The following GPC6 variants were observed in gnomAD, a reference collection of about 807,000 sequenced individuals.
The protein encoded by GPC6 is glypican 6, also known as glypican-6.
A neutral mutation model predicts 55.2 loss-of-function variants in GPC6; 14 were observed. The observed-to-expected ratio is 0.25, with a 90% confidence interval of 0.17 to 0.40. The LOEUF (loss-of-function observed/expected upper bound fraction) is 0.40, where lower values mean the gene tolerates loss of function less well. Among genes scored for constraint, GPC6 ranks in the 10% least tolerant of loss-of-function variants. The pLI, the probability that GPC6 is intolerant of heterozygous loss-of-function variation, is 1.00. For missense variants in GPC6, 641 were observed against 708.5 expected, an observed-to-expected ratio of 0.90 and a Z score of 1.08; for synonymous variants, 278 against 259.6, an observed-to-expected ratio of 1.07 and a Z score of -0.68.
Position 93,351,807 on chromosome 13 carries a change from C to T in GPC6, c.160+124191C>T, listed in dbSNP as rs957487987. The stretch of plus-strand genomic sequence containing the variant: ...CTCTAATTGGAACCACCGTTGATTA[C>T]GTTAGCTGCTGCATTTGTCTTCACT... On this transcript the variant is annotated intron_variant, in intron 1 of 8. Transcript: ENST00000377047. 2.6e-5 allele frequency among the ~76,000 whole-genome samples: 4 copies of T among 152,086 alleles called. No individual in the cohort carries two copies. In the East Asian group the frequency reaches 7.7e-4, roughly 29 times the overall value.
At chr13:94,034,256 A>AAGGAAGGAAGGAGG (rs1883256984) in intron 4 of GPC6, among the ~76,000 whole-genome samples, 1 of 85,482 alleles carries the variant, frequency 1.2e-5, no homozygotes, top group African/African-American at 3.1e-5. Flanking sequence ...AAGGAAAGAA[A>AAGGAAGGAAGGAGG]GAAAGAAAAG....
At position 94,403,759 on chromosome 13, in the gene GPC6, A is replaced by AATCT. The variant is rs1473100694; in HGVS notation, c.*543_*544insTCTA. On this transcript the variant is annotated 3_prime_UTR_variant, in exon 9 of 9. Transcript: ENST00000377047. ...AAAATGCTTATGGGGAGAAAGCTTA[A>AATCT]AGTTTGTTCTAAATGTAGTGAAAAT... is the stretch of plus-strand genomic sequence containing the variant. The AATCT allele has an allele frequency of 5.3e-6, 1 of 187,682 alleles. No homozygotes were observed. The highest frequency in any genetic ancestry group is 1.1e-5 in the Non-Finnish European group (1 of 89,332). 11.6% of individuals were successfully genotyped at this position (187,682 alleles called of 1,614,324 possible).
chr13:94,159,709 C>T (rs183057154), intron 4 of GPC6, among the ~76,000 whole-genome samples: 4 of 152,192 alleles, frequency 2.6e-5, no homozygotes, highest in East Asian at 3.9e-4. Context: ...GAAGCGTATG[C>T]GAGAATTACC....
chr13:94,104,825 A>T (rs1489652946), intron 4 of GPC6, among the ~76,000 whole-genome samples: 3 of 152,184 alleles, frequency 2.0e-5, no homozygotes, highest in Non-Finnish European at 2.9e-5. Flanking sequence ...GAGGACACAA[A>T]CAAATGGAAG....
At chr13:93,264,094 T>C (rs1877243853) in intron 1 of GPC6, among the ~76,000 whole-genome samples, 1 of 152,134 alleles carries the variant, frequency 6.6e-6, no homozygotes, top group Admixed American at 6.5e-5. Flanking sequence ...TTGGTAGTTT[T>C]TCAAGGGTCT....
Position 94,215,685 on chromosome 13 carries a change from TA to T in GPC6, c.878-70663del, listed in dbSNP as rs556790126. On this transcript the variant is annotated intron_variant, in intron 4 of 8. Coordinates refer to ENST00000377047, the MANE Select transcript of GPC6 (RefSeq NM_005708.5). Reference sequence around the variant, plus strand: ...GTTACAAAACTAACCACCAATTTATTACATTTCATTACATTGAAGGGAAAAA... The same window carrying T: ...GTTACAAAACTAACCACCAATTTATTCATTTCATTACATTGAAGGGAAAAA... 8.5e-5 allele frequency among the ~76,000 whole-genome samples: 13 copies of T among 152,264 alleles called. No homozygotes were observed. The East Asian group carries it at 2.5e-3, about 29-fold the overall frequency.
chr13:93,584,684 GTTTTTTTTTTT>G (rs779571682), intron 2 of GPC6, among the ~76,000 whole-genome samples: 6 of 95,570 alleles, frequency 6.3e-5, no homozygotes, highest in East Asian at 6.9e-4. Context: ...CCTTCTGAAA[GTTTTTTTTTTT>G]TTTTTTTTTT....
intron 4 of GPC6, among the ~76,000 whole-genome samples, chr13:94,113,526 T>G (rs1330733086): frequency 6.6e-6 from 1 of 150,522 alleles, no homozygotes; most frequent in Non-Finnish European, 1.5e-5. Context: ...TTGTGAAGTT[T>G]CCATGTTTTC....
chr13:93,449,689 G>A (rs1447776565), intron 1 of GPC6, among the ~76,000 whole-genome samples: 1 of 151,898 alleles, frequency 6.6e-6, no homozygotes, highest in Non-Finnish European at 1.5e-5. Context: ...TTAGCCAGGC[G>A]TGGTGGTGGG....
chr13:93,772,604 G>A (rs1376259098), intron 2 of GPC6, among the ~76,000 whole-genome samples: 1 of 152,096 alleles, frequency 6.6e-6, no homozygotes, highest in Non-Finnish European at 1.5e-5. Context: ...AAGAAAAAAA[G>A]AAGTTTGGTT....
intron 2 of GPC6, among the ~76,000 whole-genome samples, chr13:93,790,156 G>T (rs953831652): frequency 6.6e-6 from 1 of 152,102 alleles, no homozygotes; most frequent in Admixed American, 6.6e-5. Flanking sequence ...TCTTAGAGAT[G>T]ACAGTTAATA....
intron 3 of GPC6, among the ~76,000 whole-genome samples, chr13:93,945,490 G>T (rs146424929): frequency 9.7e-4 from 148 of 152,286 alleles, no homozygotes; most frequent in Admixed American, 2.1e-3. Context: ...AAGGTGAAGC[G>T]CAGGCAGGCT....
At chr13:93,468,638 T>C (rs572170293) in intron 1 of GPC6, among the ~76,000 whole-genome samples, 1 of 152,220 alleles carries the variant, frequency 6.6e-6, no homozygotes, top group East Asian at 1.9e-4. Flanking sequence ...AAGTGTGATA[T>C]TCAGCAATGC....
intron 4 of GPC6, among the ~76,000 whole-genome samples, chr13:94,095,603 C>T (rs1348044563): frequency 6.6e-6 from 1 of 152,146 alleles, no homozygotes; most frequent in African/African-American, 2.4e-5. Context: ...TTCAAGTGAT[C>T]AGTAGTCACG....
At chr13:93,657,209 G>A (rs1052098715) in intron 2 of GPC6, among the ~76,000 whole-genome samples, 2 of 151,982 alleles carry the variant, frequency 1.3e-5, no homozygotes, top group African/African-American at 4.8e-5. Context: ...ATACTACAAG[G>A]TGATAGTAAC....
At chr13:93,422,160 T>C (rs945838589) in intron 1 of GPC6, among the ~76,000 whole-genome samples, 1 of 152,162 alleles carries the variant, frequency 6.6e-6, no homozygotes, top group Non-Finnish European at 1.5e-5. Flanking sequence ...GGATGGGCAC[T>C]CTTCCCCCAC....
At chr13:94,027,990 CA>C in intron 4 of GPC6, 96 bp downstream of exon 4, 1 of 1,078,830 alleles carries the variant, frequency 9.3e-7, no homozygotes, top group Non-Finnish European at 1.4e-6. Context: ...AGAAACCAGA[CA>C]CAGTGGTTCA....
intron 4 of GPC6, among the ~76,000 whole-genome samples, chr13:94,058,247 T>C (rs1236458040): frequency 6.6e-6 from 1 of 152,214 alleles, no homozygotes; most frequent in Non-Finnish European, 1.5e-5. Context: ...AGTTGGGACA[T>C]ACATATTTAC....
chr13:94,018,168 T>G (rs1882550254), intron 3 of GPC6, among the ~76,000 whole-genome samples: 1 of 152,174 alleles, frequency 6.6e-6, no homozygotes. Context: ...CTGCATAATT[T>G]AGATGATTGT....
Sources: allele counts gnomAD v4.1 joint callset (sites outside exome capture counted in the v4.1 genomes callset), GRCh38; gene constraint gnomAD v4.1.1; transcripts MANE v1.5; gene names NCBI Gene and HGNC (gene_info 2026-07-23, HGNC 2026-07-21).